Variants in GAB2 observed in about 807,000 individuals in gnomAD.
The protein encoded by GAB2 is GRB2 associated binding protein 2.
In GAB2, 26 loss-of-function variants were observed where a neutral mutation model predicts 65.5. The observed-to-expected ratio is 0.40, with a 90% CI of 0.29 to 0.55. The LOEUF is 0.55. GAB2 is among the 20% of genes least tolerant of loss of function. The pLI is 0.53. For missense variants in GAB2, 884 were observed against 875.8 expected, an observed-to-expected ratio of 1.01 and a Z score of -0.12; for synonymous variants, 321 against 329.6, an observed-to-expected ratio of 0.97 and a Z score of 0.28.
At chr11:78,374,781 A>G (rs73500998) in intron 1 of GAB2, among the ~76,000 whole-genome samples, 10,610 of 152,224 alleles carry the variant, frequency 0.07, 1,187 homozygotes, top group African/African-American at 0.24. Flanking sequence ...TAATGGGTGG[A>G]TAGACACACC....
At chr11:78,281,059 TCCTC>T (rs1329541693) in intron 1 of GAB2, among the ~76,000 whole-genome samples, 158 bp from the exon 2 acceptor site, 1 of 152,064 alleles carries the variant, frequency 6.6e-6, no homozygotes, top group African/African-American at 2.4e-5. Flanking sequence ...GCTCAAGCGA[TCCTC>T]CCACCTCAGC....
Position 78,250,204 on chromosome 11 carries a change from C to A in GAB2, c.573G>T (p.Glu191Asp), listed in dbSNP as rs1365174876. The A allele has an allele frequency of 6.2e-7, 1 of 1,613,208 alleles. No individual in the cohort carries two copies. Among genetic ancestry groups the A allele is most frequent in the Non-Finnish European group, 8.5e-7 (1 of 1,179,942 alleles). ...QPTLSTSAPQ[E>D]YLYLHQCISR... ...TTATGCACTGGTGCAAGTAGAGATA[C>A]TCCTGAGGTGCGCTGGTGGACAAGG... Residue 191 changes from glutamate to aspartate, a missense_variant, in exon 3 of 10, where the codon GAG becomes GAT. Coordinates refer to ENST00000361507, the MANE Select transcript of GAB2 (RefSeq NM_080491.3).
At chr11:78,242,974 C>A (rs566683700) in intron 3 of GAB2, among the ~76,000 whole-genome samples, 1 of 151,744 alleles carries the variant, frequency 6.6e-6, no homozygotes, top group East Asian at 1.9e-4. Context: ...ACCAGCCTGG[C>A]CAACATGGTG....
intron 1 of GAB2, among the ~76,000 whole-genome samples, chr11:78,286,712 G>A (rs1034141411): frequency 6.6e-6 from 1 of 152,174 alleles, no homozygotes; most frequent in Non-Finnish European, 1.5e-5. Flanking sequence ...ATAAAGATGT[G>A]TAATAGATTC....
intron 1 of GAB2, among the ~76,000 whole-genome samples, chr11:78,314,166 G>T (rs991010214): frequency 6.6e-6 from 1 of 152,172 alleles, no homozygotes; most frequent in Non-Finnish European, 1.5e-5. Flanking sequence ...CATAGGGCTC[G>T]CATGTAAAAC....
At chr11:78,321,824 C>A (rs1855729564) in intron 1 of GAB2, among the ~76,000 whole-genome samples, 1 of 151,326 alleles carries the variant, frequency 6.6e-6, no homozygotes, top group Non-Finnish European at 1.5e-5. Context: ...AATAGAGAAC[C>A]CAGAAATAGG....
At chr11:78,329,457 T>C (rs1419662640) in intron 1 of GAB2, among the ~76,000 whole-genome samples, 1 of 152,242 alleles carries the variant, frequency 6.6e-6, no homozygotes, top group Non-Finnish European at 1.5e-5. Flanking sequence ...TTCATCTCTG[T>C]ATCCCCCTAC....
At chr11:78,258,746 C>T (rs1256888488) in intron 2 of GAB2, among the ~76,000 whole-genome samples, 1 of 151,974 alleles carries the variant, frequency 6.6e-6, no homozygotes, top group Non-Finnish European at 1.5e-5. Flanking sequence ...TATAGGCATG[C>T]ACCACCATGC....
intron 6 of GAB2, among the ~76,000 whole-genome samples, chr11:78,223,180 T>C (rs142649477): frequency 2.0e-5 from 3 of 152,338 alleles, no homozygotes; most frequent in East Asian, 3.9e-4. Flanking sequence ...AAGCTGACTT[T>C]ACTGAACGCC....
At chr11:78,340,087 T>C (rs539608136) in intron 1 of GAB2, among the ~76,000 whole-genome samples, 57 of 152,348 alleles carry the variant, frequency 3.7e-4, no homozygotes, top group Non-Finnish European at 6.5e-4. Flanking sequence ...TGACCATCTT[T>C]GGTTGTTTCC....
chr11:78,289,699 A>G (rs1045693297), intron 1 of GAB2, among the ~76,000 whole-genome samples: 6 of 152,134 alleles, frequency 3.9e-5, no homozygotes, highest in Admixed American at 6.5e-5. Context: ...TTTCAGGGTT[A>G]AGAGAGAGAA....
rs1364431642 is a variant in GAB2, at chr11:78,221,694, C to T, written c.1744G>A (p.Glu582Lys). 1.1e-5 allele frequency: 18 copies of T among 1,612,492 alleles called. No homozygotes were observed. Among genetic ancestry groups the T allele is most frequent in the Non-Finnish European group, 1.5e-5 (18 of 1,178,630 alleles). The part of the protein sequence containing the change: ...ITSTDSGDSE[E>K]NYVPMQNPVS... ...GGACTCACCATAGGGACATAGTTCT[C>T]TTCGCTGTCTCCTGAGTCTGTGCTG... The change falls in exon 8 of 10, where the codon GAG (glutamate) becomes AAG (lysine). Residue 582 changes from glutamate (E) to lysine (K), a missense_variant. By Grantham distance (56) the Glu-to-Lys change is moderately conservative. Transcript: ENST00000361507.
intron 1 of GAB2, among the ~76,000 whole-genome samples, chr11:78,379,914 T>C (rs1856676654): frequency 6.6e-6 from 1 of 152,212 alleles, no homozygotes; most frequent in Non-Finnish European, 1.5e-5. Flanking sequence ...TTGAAGACAA[T>C]GTTGAATCAT....
In GAB2 at chr11:78,277,504, A is replaced by G. The variant is rs139580347; in HGVS notation, c.376+3097T>C. On this transcript the variant is annotated intron_variant, in intron 2 of 9. Transcript: ENST00000361507. ...AAAACACCTGAAACTGGTGATCAGCAGCTTTCTGATACCATCTCAGGAGAT... is the reference window on the plus strand; with the variant it reads ...AAAACACCTGAAACTGGTGATCAGCGGCTTTCTGATACCATCTCAGGAGAT... Among the ~76,000 whole-genome samples, 599 of 152,346 alleles carry G rather than the reference A, an allele frequency of 3.9e-3. 4 individuals are homozygous for G. Among genetic ancestry groups the G allele is most frequent in the Non-Finnish European group, 6.1e-3 (414 of 68,032 alleles).
chr11:78,235,904 T>A (rs970072095), intron 3 of GAB2, among the ~76,000 whole-genome samples: 4 of 152,234 alleles, frequency 2.6e-5, no homozygotes, highest in Admixed American at 2.6e-4. Flanking sequence ...ACATTTTTGG[T>A]ATCTTTTCAG....
intron 1 of GAB2, among the ~76,000 whole-genome samples, chr11:78,342,226 C>T (rs1015351769): frequency 6.6e-6 from 1 of 152,110 alleles, no homozygotes; most frequent in African/African-American, 2.4e-5. Flanking sequence ...CTGAACCTAC[C>T]CTCTGTGCCT....
intron 1 of GAB2, among the ~76,000 whole-genome samples, chr11:78,347,706 TTG>T (rs1452962095): frequency 1.3e-5 from 2 of 152,186 alleles, no homozygotes; most frequent in Non-Finnish European, 2.9e-5. Flanking sequence ...AGAAAAATCT[TTG>T]TGACCTTTAA....
intron 1 of GAB2, among the ~76,000 whole-genome samples, chr11:78,303,813 G>T (rs1375869677): frequency 1.3e-5 from 2 of 152,138 alleles, no homozygotes; most frequent in African/African-American, 4.8e-5. Flanking sequence ...AGGCCTGGAG[G>T]TTTCTTACCT....
intron 1 of GAB2, among the ~76,000 whole-genome samples, chr11:78,327,098 A>G (rs1286118858): frequency 6.6e-6 from 1 of 152,196 alleles, no homozygotes; most frequent in Non-Finnish European, 1.5e-5. Context: ...CTATTATTCA[A>G]TACAATTCTA....
Sources: allele counts gnomAD v4.1 joint callset (sites outside exome capture counted in the v4.1 genomes callset), GRCh38; gene constraint gnomAD v4.1.1; transcripts MANE v1.5; gene names NCBI Gene and HGNC (gene_info 2026-07-23, HGNC 2026-07-21).